Variants in VPS13B observed in about 807,000 individuals in gnomAD.
The protein encoded by VPS13B is vacuolar protein sorting 13 homolog B.
A neutral mutation model predicts 426.4 loss-of-function variants in VPS13B; 285 were observed. The observed-to-expected ratio is 0.67, with a 90% CI of 0.61 to 0.74. VPS13B has a LOEUF of 0.74. Among genes scored for constraint, VPS13B ranks in the 30% least tolerant of loss-of-function variants. The probability of loss-of-function intolerance (pLI) is 0.00; values close to 1 mark genes in which losing one functional copy is unlikely to be tolerated. For missense variants in VPS13B, 4,537 were observed against 4,782.6 expected (o/e 0.95, Z 1.51); for synonymous variants, 1,676 against 1,676.4 (o/e 1.00, Z 0.01).
chr8:99,219,196 A>G (rs1264091636), intron 17 of VPS13B, among the ~76,000 whole-genome samples: 3 of 152,234 alleles, frequency 2.0e-5, no homozygotes, highest in African/African-American at 7.2e-5. Flanking sequence ...ATTTATAACA[A>G]GATTCCTCAA....
intron 5 of VPS13B, 48 bp downstream of exon 5, chr8:99,103,168 T>A (rs1846851713): frequency 6.2e-7 from 1 of 1,600,692 alleles, no homozygotes; most frequent in Admixed American, 1.7e-5. Flanking sequence ...ATTGAAACAA[T>A]TACCTTAACT....
intron 12 of VPS13B, among the ~76,000 whole-genome samples, 159 bp from the exon 13 acceptor site, chr8:99,142,815 A>G (rs760328758): frequency 6.6e-6 from 1 of 152,270 alleles, no homozygotes; most frequent in Non-Finnish European, 1.5e-5. Context: ...TTATATGCAC[A>G]GAGAAATACA....
intron 13 of VPS13B, 94 bp from the exon 14 acceptor site, chr8:99,147,747 G>C: frequency 1.3e-6 from 1 of 799,152 alleles, no homozygotes; most frequent in South Asian, 3.9e-5. Flanking sequence ...AACAGGATTT[G>C]ACCTTATAGT....
intron 23 of VPS13B, among the ~76,000 whole-genome samples, chr8:99,458,517 T>C (rs1448106843): frequency 4.6e-5 from 7 of 152,148 alleles, no homozygotes; most frequent in Non-Finnish European, 8.8e-5. Flanking sequence ...ATGGTTGAAC[T>C]AGTTTACAGT....
chr8:99,862,528 CT>C (rs1351735710), intron 58 of VPS13B, among the ~76,000 whole-genome samples: 2 of 152,158 alleles, frequency 1.3e-5, no homozygotes, highest in Non-Finnish European at 2.9e-5. Context: ...AAATAAGTTG[CT>C]TTAAAAAATT....
intron 33 of VPS13B, among the ~76,000 whole-genome samples, chr8:99,589,274 A>T (rs1826473410): frequency 4.0e-5 from 6 of 151,602 alleles, no homozygotes. Context: ...TTACATGTGT[A>T]TATATGTGCC....
intron 25 of VPS13B, 46 bp downstream of exon 25, chr8:99,481,848 AAC>A (rs754677783): frequency 1.9e-6 from 3 of 1,596,328 alleles, no homozygotes; most frequent in Non-Finnish European, 2.6e-6. Context: ...GTTAATATAT[AAC>A]ACAGATTTCC....
At chr8:99,772,801 C>T (rs1811573975) in intron 40 of VPS13B, among the ~76,000 whole-genome samples, 1 of 152,132 alleles carries the variant, frequency 6.6e-6, no homozygotes, top group Non-Finnish European at 1.5e-5. Context: ...TGCAGTGCAA[C>T]AGGCACACAC....
At chr8:99,528,428 A>G (rs1822763066) in intron 30 of VPS13B, among the ~76,000 whole-genome samples, 1 of 152,108 alleles carries the variant, frequency 6.6e-6, no homozygotes, top group South Asian at 2.1e-4. Context: ...AATAGTAGAT[A>G]TATATTTTTG....
chr8:99,542,500 G>A (rs1393687397), intron 30 of VPS13B, among the ~76,000 whole-genome samples: 4 of 152,124 alleles, frequency 2.6e-5, no homozygotes, highest in South Asian at 2.1e-4. Context: ...ATAAAGCATG[G>A]TACACTTAGA....
chr8:99,468,718 C>G (rs1000557692), intron 24 of VPS13B, among the ~76,000 whole-genome samples: 4 of 152,100 alleles, frequency 2.6e-5, no homozygotes, highest in Admixed American at 6.5e-5. Flanking sequence ...AAGCAAGACT[C>G]TTTCTCTTAA....
intron 3 of VPS13B, among the ~76,000 whole-genome samples, 160 bp from the exon 4 acceptor site, chr8:99,096,152 A>G (rs185096952): frequency 2.6e-5 from 4 of 152,312 alleles, no homozygotes; most frequent in Admixed American, 2.6e-4. Flanking sequence ...TGAGAATGCA[A>G]ATTATGAAAA....
At chr8:99,806,615 T>C (rs1224267455) in intron 43 of VPS13B, among the ~76,000 whole-genome samples, 1 of 152,244 alleles carries the variant, frequency 6.6e-6, no homozygotes, top group Non-Finnish European at 1.5e-5. Flanking sequence ...CTTATAGTAC[T>C]TGAGTAATGA....
At chr8:99,586,179 C>T (rs568957238) in intron 33 of VPS13B, among the ~76,000 whole-genome samples, 1 of 152,256 alleles carries the variant, frequency 6.6e-6, no homozygotes, top group South Asian at 2.1e-4. Context: ...GCATAGCTTC[C>T]TGTTTGTTAA....
chr8:99,771,273 A>C (rs1811473212), intron 40 of VPS13B, among the ~76,000 whole-genome samples: 1 of 152,200 alleles, frequency 6.6e-6, no homozygotes, highest in Non-Finnish European at 1.5e-5. Context: ...TCATCTTCTC[A>C]CAATATTAAA....
At chr8:99,379,286 C>G (rs1453601088) in intron 19 of VPS13B, among the ~76,000 whole-genome samples, 2 of 152,134 alleles carry the variant, frequency 1.3e-5, no homozygotes, top group African/African-American at 2.4e-5. Context: ...ACAAGAAAGT[C>G]TAAGGCTCAT....
chr8:99,027,410 C>G (rs1205628098), intron 2 of VPS13B, among the ~76,000 whole-genome samples: 1 of 150,664 alleles, frequency 6.6e-6, no homozygotes, highest in East Asian at 1.9e-4. Flanking sequence ...ATAAGTTTTA[C>G]TTCTCTTTCT....
intron 31 of VPS13B, among the ~76,000 whole-genome samples, chr8:99,562,594 T>G (rs1824986902): frequency 6.6e-6 from 1 of 152,196 alleles, no homozygotes; most frequent in African/African-American, 2.4e-5. Context: ...TGGCTGTTTT[T>G]TAATTGAGTT....
intron 61 of VPS13B, 48 bp downstream of exon 61, chr8:99,871,745 TGAG>T (rs775818174): frequency 6.8e-6 from 11 of 1,610,818 alleles, no homozygotes; most frequent in Non-Finnish European, 8.5e-6. Flanking sequence ...CCAGGGAGGT[TGAG>T]GAGCAGGCTG....
Sources: gnomAD v4.1 joint callset for allele counts (sites outside exome capture counted in the v4.1 genomes callset) on GRCh38, gnomAD v4.1.1 for gene constraint, MANE v1.5 for transcripts, NCBI Gene and HGNC (gene_info 2026-07-23, HGNC 2026-07-21) for gene names.